The following TEX10 variants were observed in gnomAD, a reference collection of about 807,000 sequenced individuals.
The protein encoded by TEX10 is testis-expressed protein 10.
Under a neutral mutation model 104.4 loss-of-function variants are expected in TEX10, and 24 were observed. That is an observed-to-expected ratio of 0.23 (90% CI 0.17 to 0.32). The LOEUF is 0.32. Among genes scored for constraint, TEX10 ranks in the 10% least tolerant of loss-of-function variants. The pLI is 1.00. For missense variants in TEX10, 921 were observed against 1,083.9 expected (o/e 0.85, Z 2.11); for synonymous variants, 396 against 393.4 (o/e 1.01, Z -0.08).
intron 8 of TEX10, among the ~76,000 whole-genome samples, chr9:100,327,523 C>T (rs1309837700): frequency 6.6e-6 from 1 of 151,212 alleles, no homozygotes; most frequent in Middle Eastern, 3.2e-3. Context: ...TTTTAAGTAT[C>T]AGATTAGTTT....
intron 8 of TEX10, among the ~76,000 whole-genome samples, chr9:100,327,576 T>C (rs1300981101): frequency 6.6e-6 from 1 of 152,088 alleles, no homozygotes; most frequent in East Asian, 1.9e-4. Context: ...AATTTAAGAA[T>C]GCAATAAGCA....
At chr9:100,308,919 C>A (rs111881421) in intron 12 of TEX10, among the ~76,000 whole-genome samples, 1 of 152,140 alleles carries the variant, frequency 6.6e-6, no homozygotes, top group African/African-American at 2.4e-5. Context: ...CAATCCACTG[C>A]CTCCCCTTCA....
Position 100,330,049 on chromosome 9 carries a change from T to C in TEX10, c.1371A>G (p.Ile457Met). 1 of 1,614,190 alleles carries C rather than the reference T, an allele frequency of 6.2e-7. No homozygotes were observed. Among genetic ancestry groups the C allele is most frequent in the Non-Finnish European group, 8.5e-7 (1 of 1,180,018 alleles). Residue 457 changes from isoleucine to methionine, a missense_variant, in exon 6 of 15, where the codon ATA (isoleucine) becomes ATG (methionine). Coordinates refer to ENST00000374902, the MANE Select transcript of TEX10 (RefSeq NM_017746.4). ...ASTLQKDCSW[I>M]EMIRKFVTET... ...CTGTTACAAATTTCCTTATCATTTC[T>C]ATCCAACTGCAATCCTTCTGCAAAG...
intron 6 of TEX10, 105 bp downstream of exon 6, chr9:100,329,826 G>T: frequency 2.1e-6 from 2 of 967,292 alleles, no homozygotes; most frequent in Non-Finnish European, 1.6e-6. Flanking sequence ...AATACAATTA[G>T]CCTGACTACA....
At chr9:100,343,731 C>T (rs1835230173) in intron 4 of TEX10, among the ~76,000 whole-genome samples, 1 of 152,106 alleles carries the variant, frequency 6.6e-6, no homozygotes, top group Non-Finnish European at 1.5e-5. Flanking sequence ...CTATATCTAA[C>T]CGAGACATCA....
Position 100,334,501 on chromosome 9 carries a change from G to C in TEX10, c.1251-4332C>G, listed in dbSNP as rs753445697. Among the ~76,000 whole-genome samples, 3 of 152,082 alleles carry C rather than the reference G, an allele frequency of 2.0e-5. 1 individual carries two copies. Among genetic ancestry groups the C allele is most frequent in the South Asian group, 4.1e-4 (2 of 4,832 alleles). On this transcript the variant is annotated intron_variant, in intron 5 of 14. Transcript: ENST00000374902. ...TCTAAATGATCCCAGGGAGGACTGA[G>C]ATACATGAAAAACATGAAGAGCAAA...
chr9:100,339,318 T>A (rs1014919703), intron 5 of TEX10, among the ~76,000 whole-genome samples: 3 of 140,096 alleles, frequency 2.1e-5, no homozygotes, highest in Admixed American at 7.4e-5. Context: ...TATTTGTTTT[T>A]TATATATATT....
Position 100,326,491 on chromosome 9 carries a change from G to C in TEX10, c.1802-12C>G. 4 of 1,597,398 alleles carry C rather than the reference G, an allele frequency of 2.5e-6. No homozygotes were observed. The highest frequency in any genetic ancestry group is 3.4e-6 in the Non-Finnish European group (4 of 1,172,304). On this transcript the variant is annotated splice_polypyrimidine_tract_variant and intron_variant, in intron 8 of 14. Transcript: ENST00000374902. Reference sequence around the variant, plus strand: ...ACCTTCTTGTGGATCTAGTGAGGTGGATAGACATATTAAAAACAACTATAA... The same window carrying C: ...ACCTTCTTGTGGATCTAGTGAGGTGCATAGACATATTAAAAACAACTATAA...
chr9:100,302,277 G>C lies in TEX10; in HGVS notation c.2704C>G (p.Gln902Glu). The C allele has an allele frequency of 6.2e-7, 1 of 1,613,570 alleles. No individual in the cohort carries two copies. Among genetic ancestry groups the C allele is most frequent in the African/African-American group, 1.3e-5 (1 of 75,028 alleles). Reference protein sequence around the residue: ...TTLKSGSVQEQWLTDLHYCFN... With the variant: ...TTLKSGSVQEEWLTDLHYCFN... ...CAGTAATGTAAGTCTGTGAGCCACT[G>C]TTCCTGAACACTTCCACTCTTCAAT... Residue 902 changes from glutamine to glutamate, a missense_variant, in exon 15 of 15, where the codon CAG (glutamine) becomes GAG (glutamate). By Grantham distance (29) the Gln-to-Glu change is conservative. Coordinates refer to ENST00000374902, the MANE Select transcript of TEX10 (RefSeq NM_017746.4).
rs748313534 is a variant in TEX10 at position 100,308,630 on chromosome 9, T to C, written c.2335A>G (p.Ile779Val). 3 of 1,610,508 alleles carry C rather than the reference T, an allele frequency of 1.9e-6. No individual in the cohort carries two copies. Among genetic ancestry groups the C allele is most frequent in the Non-Finnish European group, 2.5e-6 (3 of 1,178,354 alleles). Residue 779 changes from isoleucine (I) to valine (V), a missense_variant, in exon 13 of 15, where the codon ATC becomes GTC. Coordinates refer to ENST00000374902, the MANE Select transcript of TEX10 (RefSeq NM_017746.4). ...CAAGTATGATCCAGGAGCTTACAGA[T>C]AACACCAAAAACACAGCCAGCCGTG... is the stretch of plus-strand genomic sequence containing the variant. ...DSTAGCVFGVICKLLDHTCVV... is the reference protein window; with the variant it reads ...DSTAGCVFGVVCKLLDHTCVV...
chr9:100,308,246 A>G (rs1318188000), intron 13 of TEX10, among the ~76,000 whole-genome samples: 1 of 152,152 alleles, frequency 6.6e-6, no homozygotes, highest in African/African-American at 2.4e-5. Flanking sequence ...ACCTCTCAAG[A>G]AATTTTATAA....
At chr9:100,309,222 T>C (rs1235633486) in intron 12 of TEX10, among the ~76,000 whole-genome samples, 1 of 152,184 alleles carries the variant, frequency 6.6e-6, no homozygotes, top group Non-Finnish European at 1.5e-5. Context: ...TAGTTAACAT[T>C]TGACTGTTTC....
chr9:100,318,599 A>G (rs1437795887), intron 11 of TEX10, among the ~76,000 whole-genome samples: 2 of 152,252 alleles, frequency 1.3e-5, no homozygotes. Context: ...TTGTACCCCT[A>G]AATTTACATG....
chr9:100,347,552 TG>T, intron 2 of TEX10, 146 bp from the exon 3 acceptor site: 1 of 558,448 alleles, frequency 1.8e-6, no homozygotes, highest in Non-Finnish European at 2.9e-6. Context: ...ATTTAGCTTT[TG>T]TTAGGATCAG....
At chr9:100,319,603 G>C (rs1008701502) in intron 11 of TEX10, among the ~76,000 whole-genome samples, 1 of 151,904 alleles carries the variant, frequency 6.6e-6, no homozygotes, top group Non-Finnish European at 1.5e-5. Flanking sequence ...TCAGGAGTTC[G>C]AGACCAGCCT....
At position 100,347,363 on chromosome 9, in the gene TEX10, T is replaced by A; in HGVS notation, c.224A>T (p.Gln75Leu). 1 of 1,610,974 alleles carries A rather than the reference T, an allele frequency of 6.2e-7. No individual in the cohort carries two copies. Among genetic ancestry groups the A allele is most frequent in the Non-Finnish European group, 8.5e-7 (1 of 1,178,536 alleles). Residue 75 changes from glutamine to leucine, a missense_variant, in exon 3 of 15, where the codon CAA becomes CTA. Coordinates refer to ENST00000374902, the MANE Select transcript of TEX10 (RefSeq NM_017746.4). ...QMHHYNAGVK[Q>L]SALLGLKDLL... The stretch of plus-strand genomic sequence containing the variant: ...GTCTTTAAGTCCAAGAAGAGCACTT[T>A]GTTTAACCCCAGCATTGTAGTGATG...
intron 5 of TEX10, among the ~76,000 whole-genome samples, chr9:100,337,361 C>G (rs1366605341): frequency 2.0e-5 from 3 of 152,174 alleles, no homozygotes; most frequent in Non-Finnish European, 4.4e-5. Flanking sequence ...TCCTAAACAT[C>G]TAAACCACAA....
intron 14 of TEX10, among the ~76,000 whole-genome samples, chr9:100,302,776 A>G (rs200946179): frequency 6.6e-6 from 1 of 152,182 alleles, no homozygotes; most frequent in Non-Finnish European, 1.5e-5. Flanking sequence ...GAATTATTCC[A>G]CTGCCACTTC....
At position 100,329,826 on chromosome 9, in the gene TEX10, G is replaced by A; in HGVS notation, c.1489+105C>T. 2 of 967,276 alleles carry A rather than the reference G, an allele frequency of 2.1e-6. No homozygotes were observed. Among genetic ancestry groups the A allele is most frequent in the Non-Finnish European group, 1.6e-6 (1 of 641,302 alleles). The allele number at this position is 967,276 out of a possible 1,614,324, so 59.9% of individuals were successfully genotyped here. A position where few individuals can be genotyped will look rare whatever the true frequency, so the allele number is the denominator to read the frequency against. ...ACCTTTTATGGCTTGAATACAATTA[G>A]CCTGACTACATGGAATGTTTACAAG... On this transcript the variant is annotated intron_variant, in intron 6 of 14. Transcript: ENST00000374902.
Sources: gnomAD v4.1 joint callset for allele counts (sites outside exome capture counted in the v4.1 genomes callset) on GRCh38, gnomAD v4.1.1 for gene constraint, MANE v1.5 for transcripts, NCBI Gene and HGNC (gene_info 2026-07-23, HGNC 2026-07-21) for gene names.